Variants in KCNN3 observed in about 807,000 individuals in gnomAD.
The protein encoded by KCNN3 is small conductance calcium-activated potassium channel protein 3.
Under a neutral mutation model 62.9 loss-of-function variants are expected in KCNN3, and 16 were observed. The ratio of observed to expected loss-of-function variants is 0.25; its 90% CI spans 0.17 to 0.39. KCNN3 has a LOEUF of 0.39. Among genes scored for constraint, KCNN3 ranks in the 10% least tolerant of loss-of-function variants. The pLI, the probability that KCNN3 is intolerant of heterozygous loss-of-function variation, is 1.00. For synonymous variants in KCNN3, 370 were observed against 389.2 expected, an observed-to-expected ratio of 0.95 and a Z score of 0.58; for missense variants, 599 against 949.4, an observed-to-expected ratio of 0.63 and a Z score of 4.85.
intron 3 of KCNN3, among the ~76,000 whole-genome samples, chr1:154,754,126 G>C (rs1398728415): frequency 6.6e-6 from 1 of 152,196 alleles, no homozygotes; most frequent in Non-Finnish European, 1.5e-5. Context: ...TTGCATGATG[G>C]AGGGCCTTGG....
At chr1:154,777,665 GCT>G (rs918857388) in intron 2 of KCNN3, among the ~76,000 whole-genome samples, 14 of 152,142 alleles carry the variant, frequency 9.2e-5, no homozygotes, top group African/African-American at 3.1e-4. Context: ...TGTGTATGTG[GCT>G]CCACAAAGGA....
rs56230300 is a variant in KCNN3, at chr1:154,759,969, ATT to A, written c.1448+12004_1448+12005del. ...GCTTTACCAGTTTCTTTTTTATTTT[ATT>A]TTCTCTCTCTCTCCCACTTTCTTTC... On this transcript the variant is annotated intron_variant, in intron 3 of 7. Coordinates refer to ENST00000271915, the MANE Select transcript of KCNN3 (RefSeq NM_002249.6). Among the ~76,000 whole-genome samples the A allele has an allele frequency of 7.9e-3, 1,194 of 151,260 alleles. 9 individuals carry two copies. Among genetic ancestry groups the A allele is most frequent in the Non-Finnish European group, 0.012 (834 of 67,730 alleles).
intron 6 of KCNN3, among the ~76,000 whole-genome samples, chr1:154,714,482 G>GA (rs1700178679): frequency 4.1e-4 from 12 of 29,546 alleles, no homozygotes; most frequent in South Asian, 1.0e-3. Flanking sequence ...TGGTGTGTGT[G>GA]TGGTTTGTGT....
At chr1:154,732,447 G>T (rs1014145827) in intron 4 of KCNN3, among the ~76,000 whole-genome samples, 16 of 152,224 alleles carry the variant, frequency 1.1e-4, no homozygotes, top group African/African-American at 3.9e-4. Context: ...CCCCTCCATA[G>T]GCAGAGGTGG....
intron 5 of KCNN3, among the ~76,000 whole-genome samples, chr1:154,721,752 G>A (rs1700354599): frequency 6.6e-6 from 1 of 151,916 alleles, no homozygotes; most frequent in Admixed American, 6.6e-5. Flanking sequence ...GATCTGTTTA[G>A]CTACATAAAA....
intron 1 of KCNN3, among the ~76,000 whole-genome samples, chr1:154,824,773 G>C (rs1279931102): frequency 6.6e-6 from 1 of 152,104 alleles, no homozygotes; most frequent in Admixed American, 6.5e-5. Context: ...AAGGGAAAGG[G>C]GCCAGATGCT....
Position 154,821,054 on chromosome 1 carries a change from C to T in KCNN3, c.1029+1035G>A, listed in dbSNP as rs116379604. ...AGCACTCTCCCATGCGCTCCTCATC[C>T]CATCCTCACAACAGCTCAGCAGAGC... On this transcript the variant is annotated intron_variant, in intron 2 of 7. Transcript: ENST00000271915. 3.7e-3 allele frequency among the ~76,000 whole-genome samples: 556 copies of T among 152,320 alleles called. 3 individuals carry two copies. The highest frequency in any genetic ancestry group is 0.012 in the African/African-American group (502 of 41,566).
In KCNN3 at chr1:154,770,989, A is replaced by G. The variant is rs530529075; in HGVS notation, c.1448+986T>C. Among the ~76,000 whole-genome samples the G allele has an allele frequency of 4.6e-5, 7 of 152,124 alleles. No homozygotes were observed. In the East Asian group the frequency reaches 1.4e-3, roughly 29 times the overall value. On this transcript the variant is annotated intron_variant, in intron 3 of 7. Transcript: ENST00000271915. ...GGAGAATTGCTTGAACACAGGAGGC[A>G]GAGGTTGCAGTGAGCAGAGACTATG...
chr1:154,808,325 C>G (rs1650265591), intron 2 of KCNN3, among the ~76,000 whole-genome samples: 1 of 151,842 alleles, frequency 6.6e-6, no homozygotes, highest in Non-Finnish European at 1.5e-5. Context: ...CCGCAGAGCC[C>G]TGAGCTTCTG....
At chr1:154,814,361 A>G (rs1650567769) in intron 2 of KCNN3, among the ~76,000 whole-genome samples, 1 of 152,242 alleles carries the variant, frequency 6.6e-6, no homozygotes, top group Non-Finnish European at 1.5e-5. Flanking sequence ...AGTGAAACCA[A>G]TACAGTCCCC....
At chr1:154,821,391 G>T (rs1206505275) in intron 2 of KCNN3, among the ~76,000 whole-genome samples, 4 of 152,224 alleles carry the variant, frequency 2.6e-5, no homozygotes, top group African/African-American at 7.2e-5. Flanking sequence ...GAAGCTCATT[G>T]TCACCAGAAG....
chr1:154,783,491 T>C (rs1649146938), intron 2 of KCNN3, among the ~76,000 whole-genome samples: 1 of 91,940 alleles, frequency 1.1e-5, no homozygotes. Context: ...CAGGCCTCTA[T>C]GGAGACCTGG....
chr1:154,745,257 C>T (rs1286407197), intron 3 of KCNN3, among the ~76,000 whole-genome samples: 1 of 152,202 alleles, frequency 6.6e-6, no homozygotes, highest in African/African-American at 2.4e-5. Flanking sequence ...GCAAGGCCTC[C>T]AGTTATTTTT....
At chr1:154,836,020 G>A (rs1025625758) in intron 1 of KCNN3, among the ~76,000 whole-genome samples, 7 of 152,212 alleles carry the variant, frequency 4.6e-5, no homozygotes, top group Non-Finnish European at 8.8e-5. Context: ...ATCTGAGGGC[G>A]TCTGGAGGCA....
chr1:154,781,711 T>C (rs1410303142), intron 2 of KCNN3, among the ~76,000 whole-genome samples: 2 of 152,128 alleles, frequency 1.3e-5, no homozygotes, highest in East Asian at 3.9e-4. Context: ...GGCAGGGAGC[T>C]TTGCCCCGAT....
intron 3 of KCNN3, among the ~76,000 whole-genome samples, chr1:154,751,079 C>T (rs947410708): frequency 4.6e-5 from 7 of 152,348 alleles, no homozygotes; most frequent in Non-Finnish European, 1.0e-4. Flanking sequence ...CATGCTGCCT[C>T]TTTCTAGCCA....
At position 154,746,325 on chromosome 1, in the gene KCNN3, G is replaced by A. The variant is rs375655098; in HGVS notation, c.1449-13181C>T. Among the ~76,000 whole-genome samples, 25 of 152,302 alleles carry A rather than the reference G, an allele frequency of 1.6e-4. No homozygotes were observed. The South Asian group carries it at 4.6e-3, about 28-fold the overall frequency. On this transcript the variant is annotated intron_variant, in intron 3 of 7. Coordinates refer to ENST00000271915, the MANE Select transcript of KCNN3 (RefSeq NM_002249.6). ...ACGGCTATCTCAGAGGAGCAGGTAT[G>A]GGTTGGGATGACAGTGCTGCGGGTG...
At chr1:154,762,795 A>G (rs1293200143) in intron 3 of KCNN3, among the ~76,000 whole-genome samples, 1 of 152,172 alleles carries the variant, frequency 6.6e-6, no homozygotes, top group Non-Finnish European at 1.5e-5. Context: ...CTTCTTTTAC[A>G]TCTGACTTTT....
chr1:154,752,806 TCA>T lies in KCNN3; in HGVS notation c.1448+19167_1448+19168del, dbSNP rs535944258. ...GGGAGTTACCCCACTGCTCTTGGCC[TCA>T]GTTTTTCCATCAGGGAAATGGAGAT... On this transcript the variant is annotated intron_variant, in intron 3 of 7. Transcript: ENST00000271915. Among the ~76,000 whole-genome samples the T allele has an allele frequency of 2.2e-3, 340 of 152,302 alleles. 2 individuals are homozygous for T. Among genetic ancestry groups the T allele is most frequent in the Middle Eastern group, 0.017 (5 of 294 alleles).
Sources: allele counts gnomAD v4.1 joint callset (sites outside exome capture counted in the v4.1 genomes callset), GRCh38; gene constraint gnomAD v4.1.1; transcripts MANE v1.5; gene names NCBI Gene and HGNC (gene_info 2026-07-23, HGNC 2026-07-21).